Variants in CDH23 observed in about 807,000 individuals in gnomAD.
The protein encoded by CDH23 is cadherin-23.
A neutral mutation model predicts 317.1 loss-of-function variants in CDH23; 189 were observed. The ratio of observed to expected loss-of-function variants is 0.60; its 90% CI spans 0.53 to 0.67. CDH23 has a LOEUF of 0.67. Ranked by LOEUF, CDH23 falls within the 30% of genes least tolerant of loss-of-function variation. CDH23 has a pLI of 0.00. For missense variants in CDH23, 4,401 were observed against 4,592.4 expected, an observed-to-expected ratio of 0.96 and a Z score of 1.20; for synonymous variants, 1,839 against 1,876.8, an observed-to-expected ratio of 0.98 and a Z score of 0.52.
intron 28 of CDH23, chr10:71,716,046 G>A (rs1390292515): frequency 6.6e-7 from 1 of 1,507,930 alleles, no homozygotes; most frequent in East Asian, 2.5e-5. Flanking sequence ...TGCAGGGAGA[G>A]GCGCAAGGAG....
chr10:71,630,871 C>T (rs1173609568), intron 11 of CDH23, among the ~76,000 whole-genome samples: 1 of 152,182 alleles, frequency 6.6e-6, no homozygotes, highest in East Asian at 1.9e-4. Context: ...CTCTCAGGAG[C>T]CTCTAGAACC....
At chr10:71,711,248 A>C (rs1159610535) in intron 27 of CDH23, among the ~76,000 whole-genome samples, 1 of 151,994 alleles carries the variant, frequency 6.6e-6, no homozygotes, top group Admixed American at 6.5e-5. Flanking sequence ...CCTCCCACAC[A>C]CACACCAATC....
chr10:71,427,194 A>G (rs191070316), intron 1 of CDH23, among the ~76,000 whole-genome samples: 18 of 63,542 alleles, frequency 2.8e-4, no homozygotes, highest in African/African-American at 8.4e-4. Flanking sequence ...AAGGAAGGAA[A>G]GAGAAAGAAA....
chr10:71,777,898 C>T lies in CDH23; in HGVS notation c.5064C>T (p.His1688=). The T allele has an allele frequency of 1.9e-6, 3 of 1,613,886 alleles. No homozygotes were observed. The highest frequency in any genetic ancestry group is 2.5e-6 in the Non-Finnish European group (3 of 1,179,856). ...NIVNTFRIDR[H]MGVITAAKEL... is the part of the protein sequence containing the mutation. ...TCAACACCTTCCGCATCGACAGACACATGGTCAGCAGCTGATGGCAGGATC... is the reference window on the plus strand; with the variant it reads ...TCAACACCTTCCGCATCGACAGACATATGGTCAGCAGCTGATGGCAGGATC... Residue 1688 remains histidine (H), a synonymous_variant, in exon 39 of 70, where the codon CAC becomes CAT. Coordinates refer to ENST00000224721, the MANE Select transcript of CDH23 (RefSeq NM_022124.6).
chr10:71,807,230 C>G (rs768410179), intron 57 of CDH23, 47 bp from the exon 58 acceptor site: 2 of 1,600,116 alleles, frequency 1.2e-6, no homozygotes, highest in South Asian at 2.2e-5. Flanking sequence ...ACTGGAAGCT[C>G]GGGTCTTCCC....
At chr10:71,748,438 C>G (rs1331125323) in intron 38 of CDH23, 2 of 152,258 alleles carry the variant, frequency 1.3e-5, no homozygotes, top group African/African-American at 2.4e-5. Flanking sequence ...GAGTGCTGAG[C>G]AGTCCCCGCT....
At chr10:71,777,419 T>C (rs993182095) in intron 38 of CDH23, among the ~76,000 whole-genome samples, 5 of 80,724 alleles carry the variant, frequency 6.2e-5, no homozygotes, top group African/African-American at 5.7e-5. Context: ...CTGTGATTGA[T>C]TAGTGATGTC....
intron 20 of CDH23, among the ~76,000 whole-genome samples, chr10:71,693,547 G>GT (rs1345326590): frequency 1.3e-5 from 2 of 152,188 alleles, no homozygotes; most frequent in Non-Finnish European, 2.9e-5. Context: ...CCAGTAATGA[G>GT]TCACAAGTTA....
chr10:71,808,142 T>C, intron 60 of CDH23, 135 bp downstream of exon 60: 1 of 1,043,122 alleles, frequency 9.6e-7, no homozygotes, highest in South Asian at 1.5e-5. Flanking sequence ...ACACCAATCC[T>C]ATTCATCCAC....
chr10:71,810,145 G>T, intron 61 of CDH23, 69 bp downstream of exon 61: 1 of 1,571,314 alleles, frequency 6.4e-7, no homozygotes, highest in Non-Finnish European at 8.7e-7. Context: ...GCCACAAGGA[G>T]AGACAGGGCA....
chr10:71,510,646 AG>A (rs1853916609), intron 4 of CDH23, among the ~76,000 whole-genome samples: 1 of 152,118 alleles, frequency 6.6e-6, no homozygotes, highest in African/African-American at 2.4e-5. Context: ...CTTGAGTTTG[AG>A]GAAGGAACCA....
chr10:71,811,488 T>A (rs771860374), intron 63 of CDH23, 23 bp from the exon 64 acceptor site: 59 of 1,613,778 alleles, frequency 3.7e-5, no homozygotes, highest in Non-Finnish European at 4.7e-5. Context: ...CTGCCCGGGC[T>A]TACCCTGGTC....
At chr10:71,736,424 C>T (rs563719475) in intron 34 of CDH23, among the ~76,000 whole-genome samples, 45 of 152,230 alleles carry the variant, frequency 3.0e-4, no homozygotes, top group African/African-American at 1.1e-3. Context: ...CAGCCCTGGC[C>T]GGCCCCAGAA....
intron 18 of CDH23, among the ~76,000 whole-genome samples, chr10:71,683,399 C>T (rs1004717021): frequency 6.6e-5 from 10 of 152,374 alleles, no homozygotes; most frequent in Middle Eastern, 3.4e-3. Flanking sequence ...AGCAGACATG[C>T]TGGAGAGCCT....
intron 28 of CDH23, among the ~76,000 whole-genome samples, chr10:71,720,002 G>C (rs555538345): frequency 1.3e-5 from 2 of 152,238 alleles, no homozygotes; most frequent in African/African-American, 2.4e-5. Flanking sequence ...GGAGACGCAG[G>C]GGGAGGGTTT....
At chr10:71,555,182 TTCCTCCC>T (rs1441410362) in intron 6 of CDH23, among the ~76,000 whole-genome samples, 5 of 152,132 alleles carry the variant, frequency 3.3e-5, no homozygotes, top group Admixed American at 3.3e-4. Context: ...TATTCTTGGT[TTCCTCCC>T]ATTTCATGGA....
At position 71,751,979 on chromosome 10, in the gene CDH23, C is replaced by T; in HGVS notation, c.4845+10058C>T. 1 of 1,122,814 alleles carries T rather than the reference C, an allele frequency of 8.9e-7. No homozygotes were observed. Among genetic ancestry groups the T allele is most frequent in the Non-Finnish European group, 1.3e-6 (1 of 770,448 alleles). 69.6% of individuals were successfully genotyped at this position (1,122,814 alleles called of 1,614,324 possible). ...CACCTACATCCCCATCCCCAAGCCT[C>T]AGCAGCATCTCCAAGCAAGAAGGCA... On this transcript the variant is annotated intron_variant, in intron 38 of 69. Coordinates refer to ENST00000224721, the MANE Select transcript of CDH23 (RefSeq NM_022124.6). The surrounding 1 kb of genome is among the most constrained non-coding windows in gnomAD (Gnocchi z 4.9).
chr10:71,737,272 C>A (rs1050405350), intron 34 of CDH23, among the ~76,000 whole-genome samples: 3 of 152,202 alleles, frequency 2.0e-5, no homozygotes. Context: ...GTAGGTGCCA[C>A]CCCTTCACTT....
At chr10:71,553,271 C>T (rs1359057919) in intron 6 of CDH23, among the ~76,000 whole-genome samples, 1 of 152,144 alleles carries the variant, frequency 6.6e-6, no homozygotes, top group Non-Finnish European at 1.5e-5. Context: ...TGCAACTGCC[C>T]TCTCCCTGCC....
Sources: gnomAD v4.1 joint callset for allele counts (sites outside exome capture counted in the v4.1 genomes callset) on GRCh38, gnomAD v4.1.1 for gene constraint, Gnocchi (gnomAD v3.1) non-coding constraint, MANE v1.5 for transcripts, NCBI Gene and HGNC (gene_info 2026-07-23, HGNC 2026-07-21) for gene names.